Variants in INO80 observed in about 807,000 individuals in gnomAD.
INO80 encodes the protein chromatin-remodeling ATPase INO80.
INO80 carries 20 observed loss-of-function variants against 203.4 expected under a neutral mutation model. The ratio of observed to expected loss-of-function variants is 0.10; its 90% CI spans 0.07 to 0.14. The LOEUF (loss-of-function observed/expected upper bound fraction) is 0.14, where lower values mean the gene tolerates loss of function less well. Ranked by LOEUF, INO80 falls within the 10% of genes least tolerant of loss-of-function variation. INO80 has a pLI of 1.00. For missense variants in INO80, 1,419 were observed against 1,914.4 expected (o/e 0.74, Z 4.83); for synonymous variants, 726 against 685.2 (o/e 1.06, Z -0.93).
At chr15:40,999,942 A>T (rs546162288) in intron 28 of INO80, among the ~76,000 whole-genome samples, 89 of 152,162 alleles carry the variant, frequency 5.8e-4, no homozygotes, top group Admixed American at 3.1e-3. Flanking sequence ...AATTTTTTTT[A>T]AAAAAATTAG....
At chr15:41,061,458 A>C (rs2045106782) in intron 14 of INO80, among the ~76,000 whole-genome samples, 1 of 149,146 alleles carries the variant, frequency 6.7e-6, no homozygotes, top group Admixed American at 6.7e-5. Flanking sequence ...TACAAAAAAA[A>C]AAAAAAAAAA....
rs201076196 is a variant in INO80 at position 41,085,432 on chromosome 15, A to C, written c.810T>G (p.Ile270Met). The change falls in exon 7 of 36, where the codon ATT becomes ATG. Residue 270 changes from isoleucine to methionine, a missense_variant. Around this residue, in one of 9 missense-constraint regions of INO80, gnomAD observed 323 missense variants for 325.4 expected, o/e 0.99. Transcript: ENST00000648947. ...PPGTKKKHLS[I>M]EQLNARRRKV... ...TCCTGCGACGAGCATTCAGCTGCTC[A>C]ATGGATAAGTGCTTTTTCTTAGTGC... is the stretch of plus-strand genomic sequence containing the variant. The C allele has an allele frequency of 2.5e-6, 4 of 1,614,256 alleles. No homozygotes were observed. The highest frequency in any genetic ancestry group is 3.4e-6 in the Non-Finnish European group (4 of 1,180,040).
At chr15:41,095,472 C>T (rs951195665) in intron 4 of INO80, 129 bp downstream of exon 4, 13 of 674,388 alleles carry the variant, frequency 1.9e-5, no homozygotes, top group Non-Finnish European at 2.8e-5. Flanking sequence ...TTCAAAAAAA[C>T]CACATCCAGT....
At chr15:41,032,588 A>C (rs1423953922) in intron 24 of INO80, among the ~76,000 whole-genome samples, 1 of 151,982 alleles carries the variant, frequency 6.6e-6, no homozygotes, top group Non-Finnish European at 1.5e-5. Flanking sequence ...CCGTCAAAAA[A>C]CTCTAAGGAT....
chr15:41,089,890 T>A lies in INO80; in HGVS notation c.537+2137A>T, dbSNP rs1179890281. On this transcript the variant is annotated intron_variant, in intron 5 of 35. Transcript: ENST00000648947. ...TACACCCAAAGAGCAACTGCATGAA[T>A]AAGCAACACTAGAATGTAAGCATTC... 4.6e-5 allele frequency among the ~76,000 whole-genome samples: 7 copies of A among 152,324 alleles called. No homozygotes were observed. In the South Asian group the frequency reaches 8.3e-4, roughly 18 times the overall value.
rs187672693 is a variant in INO80 at position 41,030,393 on chromosome 15, T to C, written c.2908-2657A>G. Among the ~76,000 whole-genome samples the C allele has an allele frequency of 2.7e-3, 408 of 152,310 alleles. 3 individuals carry two copies. The highest frequency in any genetic ancestry group is 0.013 in the South Asian group (61 of 4,822). ...TATTTTTATTTTTGGGACAGAGTCTTTCTCTGTCACCCAGGCTGGAGTGCA... is the reference window on the plus strand; with the variant it reads ...TATTTTTATTTTTGGGACAGAGTCTCTCTCTGTCACCCAGGCTGGAGTGCA... On this transcript the variant is annotated intron_variant, in intron 24 of 35. Coordinates refer to ENST00000648947, the MANE Select transcript of INO80 (RefSeq NM_017553.3).
At chr15:41,103,981 C>T (rs1406429932) in intron 1 of INO80, among the ~76,000 whole-genome samples, 1 of 151,600 alleles carries the variant, frequency 6.6e-6, no homozygotes, top group African/African-American at 2.4e-5. Flanking sequence ...CTTGGGAGGC[C>T]AAGGAAGGCT....
chr15:41,074,831 G>A (rs1313898864), intron 9 of INO80, among the ~76,000 whole-genome samples: 2 of 152,080 alleles, frequency 1.3e-5, no homozygotes, highest in African/African-American at 2.4e-5. Context: ...TGCGACCTCC[G>A]CCTCCCGGGT....
chr15:41,106,358 T>C (rs1315841690), intron 1 of INO80, among the ~76,000 whole-genome samples: 1 of 131,962 alleles, frequency 7.6e-6, no homozygotes, highest in Non-Finnish European at 1.6e-5. Flanking sequence ...CACTCCAGCC[T>C]GGGTGACAGG....
intron 23 of INO80, among the ~76,000 whole-genome samples, chr15:41,046,225 A>ATATG (rs2044762690): frequency 6.5e-5 from 1 of 15,452 alleles, no homozygotes; most frequent in Non-Finnish European, 2.2e-4. Flanking sequence ...ATATATATAT[A>ATATG]TATATATATA....
intron 24 of INO80, among the ~76,000 whole-genome samples, chr15:41,040,743 T>C (rs1269036577): frequency 2.0e-5 from 3 of 151,790 alleles, no homozygotes; most frequent in African/African-American, 7.3e-5. Flanking sequence ...CATCAGTGCA[T>C]TCCAGCCTGG....
chr15:41,058,818 C>T, intron 15 of INO80, 37 bp from the exon 16 acceptor site: 1 of 1,588,640 alleles, frequency 6.3e-7, no homozygotes, highest in South Asian at 1.1e-5. Context: ...AAAGAGAAAC[C>T]TAATAATTCA....
intron 24 of INO80, among the ~76,000 whole-genome samples, chr15:41,032,849 C>A (rs1335663645): frequency 6.6e-6 from 1 of 151,998 alleles, no homozygotes; most frequent in Non-Finnish European, 1.5e-5. Flanking sequence ...ACCAGCCTGG[C>A]CAACATAATG....
intron 14 of INO80, among the ~76,000 whole-genome samples, chr15:41,062,683 C>A (rs62001361): frequency 1.3e-5 from 2 of 152,080 alleles, no homozygotes; most frequent in Admixed American, 6.5e-5. Flanking sequence ...GGGGGCTTTG[C>A]CCTCATGAAT....
chr15:41,026,572 A>G (rs1330696377), intron 25 of INO80, among the ~76,000 whole-genome samples: 2 of 151,966 alleles, frequency 1.3e-5, no homozygotes, highest in African/African-American at 4.8e-5. Context: ...AAAAAAAACA[A>G]AAACAAAAAA....
At chr15:41,027,896 A>G in intron 24 of INO80, 160 bp from the exon 25 acceptor site, 1 of 487,530 alleles carries the variant, frequency 2.1e-6, no homozygotes, top group Non-Finnish European at 3.6e-6. Flanking sequence ...CAAGTATATA[A>G]TACAGTTGAA....
intron 25 of INO80, among the ~76,000 whole-genome samples, chr15:41,023,807 C>CAAA (rs544076740): frequency 1.8e-5 from 2 of 111,462 alleles, no homozygotes; most frequent in African/African-American, 6.5e-5. Flanking sequence ...AAAAAAGAAA[C>CAAA]AAAAAAAAAC....
intron 14 of INO80, among the ~76,000 whole-genome samples, chr15:41,062,790 G>A (rs1347818292): frequency 6.6e-6 from 1 of 152,168 alleles, no homozygotes; most frequent in Non-Finnish European, 1.5e-5. Context: ...GCCCTTGTGA[G>A]ATGAGGACGC....
intron 25 of INO80, among the ~76,000 whole-genome samples, chr15:41,021,438 C>T (rs1336556849): frequency 2.0e-5 from 3 of 152,346 alleles, no homozygotes; most frequent in South Asian, 4.1e-4. Context: ...CATTTTGCCA[C>T]CTCCCCTTCA....
Sources: gnomAD v4.1 joint callset for allele counts (sites outside exome capture counted in the v4.1 genomes callset) on GRCh38, gnomAD v4.1.1 for gene constraint, gnomAD v4.1.1 regional missense constraint, MANE v1.5 for transcripts, NCBI Gene and HGNC (gene_info 2026-07-23, HGNC 2026-07-21) for gene names.